The following GPD2 variants were observed in gnomAD, a reference collection of about 807,000 sequenced individuals.
GPD2 encodes glycerol-3-phosphate dehydrogenase, mitochondrial.
In GPD2, 54 loss-of-function variants were observed where a neutral mutation model predicts 82.4. That is an observed-to-expected ratio of 0.66 (90% CI 0.53 to 0.82). The LOEUF (loss-of-function observed/expected upper bound fraction) is 0.82. Ranked by LOEUF, GPD2 falls within the 40% of genes least tolerant of loss-of-function variation. GPD2 has a pLI of 0.00. For missense variants in GPD2, 748 were observed against 896.2 expected (o/e 0.83, Z 2.11); for synonymous variants, 288 against 306.1 (o/e 0.94, Z 0.62).
intron 8 of GPD2, among the ~76,000 whole-genome samples, chr2:156,554,731 T>C (rs147737963): frequency 3.2e-4 from 49 of 152,336 alleles, no homozygotes; most frequent in African/African-American, 1.2e-3. Context: ...CTGAAATACA[T>C]GAAAATAATC....
At chr2:156,528,044 T>C (rs1039798957) in intron 6 of GPD2, among the ~76,000 whole-genome samples, 1 of 152,120 alleles carries the variant, frequency 6.6e-6, no homozygotes, top group African/African-American at 2.4e-5. Flanking sequence ...ACATTATCAT[T>C]AAAAAACTAA....
intron 1 of GPD2, among the ~76,000 whole-genome samples, chr2:156,458,606 G>A (rs1682866498): frequency 1.3e-5 from 2 of 152,160 alleles, no homozygotes; most frequent in South Asian, 4.1e-4. Flanking sequence ...AAATTGTAAA[G>A]GCAAAGTATT....
chr2:156,439,708 A>G (rs1442686410), intron 1 of GPD2, among the ~76,000 whole-genome samples: 5 of 151,468 alleles, frequency 3.3e-5, no homozygotes, highest in South Asian at 2.1e-4. Flanking sequence ...TTAGCCGGGC[A>G]TGATCGTGGG....
At chr2:156,448,364 C>A (rs976531677) in intron 1 of GPD2, among the ~76,000 whole-genome samples, 5 of 152,184 alleles carry the variant, frequency 3.3e-5, no homozygotes, top group Non-Finnish European at 5.9e-5. Flanking sequence ...ACCTTGGCCT[C>A]CCAAAGTGCT....
At chr2:156,553,467 A>G (rs191943990) in intron 8 of GPD2, among the ~76,000 whole-genome samples, 1 of 152,206 alleles carries the variant, frequency 6.6e-6, no homozygotes, top group Admixed American at 6.5e-5. Context: ...TGATTCTTCA[A>G]CTTACTGCCC....
At chr2:156,408,087 C>A in the GPD2 span, among the ~76,000 whole-genome samples, 1 of 151,106 alleles carries the variant, frequency 6.6e-6, no homozygotes, top group Non-Finnish European at 1.5e-5. Context: ...TCCCGAGGAG[C>A]TGAGACTACA....
intron 1 of GPD2, among the ~76,000 whole-genome samples, chr2:156,461,721 C>T (rs1682995593): frequency 6.6e-6 from 1 of 152,214 alleles, no homozygotes; most frequent in Admixed American, 6.5e-5. Flanking sequence ...TCTTTATTTT[C>T]TCCTAGTAAT....
intron 6 of GPD2, among the ~76,000 whole-genome samples, chr2:156,543,823 C>A (rs1156730745): frequency 1.3e-5 from 2 of 152,168 alleles, no homozygotes; most frequent in African/African-American, 2.4e-5. Context: ...CTGTTGGAAT[C>A]ATTATTTATT....
At chr2:156,501,232 A>G (rs1440064107) in intron 3 of GPD2, among the ~76,000 whole-genome samples, 1 of 152,016 alleles carries the variant, frequency 6.6e-6, no homozygotes, top group Non-Finnish European at 1.5e-5. Flanking sequence ...TCCAGAGAAG[A>G]CTGCCTCTTT....
At chr2:156,475,402 C>T (rs1428387693) in intron 1 of GPD2, among the ~76,000 whole-genome samples, 1 of 152,034 alleles carries the variant, frequency 6.6e-6, no homozygotes, top group Admixed American at 6.5e-5. Context: ...GATCTCGGCT[C>T]ACTGCAACCT....
chr2:156,513,282 A>G, intron 5 of GPD2, 51 bp from the exon 6 acceptor site: 3 of 1,265,396 alleles, frequency 2.4e-6, no homozygotes, highest in Non-Finnish European at 3.5e-6. Flanking sequence ...GTAATATTCT[A>G]TAATGCTATA....
At chr2:156,496,015 C>T in intron 2 of GPD2, 29 bp from the exon 3 acceptor site, 3 of 1,576,282 alleles carry the variant, frequency 1.9e-6, no homozygotes, top group Non-Finnish European at 2.6e-6. Flanking sequence ...TCCAAATGGA[C>T]AACTGAAAGT....
At chr2:156,434,018 T>C (rs1207774213), upstream of GPD2, among the ~76,000 whole-genome samples, 1 of 152,114 alleles carries the variant, frequency 6.6e-6, no homozygotes, top group Non-Finnish European at 1.5e-5. Context: ...ATGATAAAAA[T>C]ATTGGTTTGA....
intron 11 of GPD2, among the ~76,000 whole-genome samples, chr2:156,569,872 T>C (rs1378038270): frequency 6.6e-6 from 1 of 152,112 alleles, no homozygotes; most frequent in African/African-American, 2.4e-5. Context: ...TCATCAGTCA[T>C]TGATGCAGTG....
chr2:156,570,041 C>T (rs1212790292), intron 11 of GPD2, 46 bp from the exon 12 acceptor site: 1 of 1,571,814 alleles, frequency 6.4e-7, no homozygotes, highest in African/African-American at 1.4e-5. Context: ...TGCCTAGAAG[C>T]TATTGATATT....
chr2:156,474,656 T>A (rs1683443158), intron 1 of GPD2, among the ~76,000 whole-genome samples: 1 of 152,210 alleles, frequency 6.6e-6, no homozygotes, highest in African/African-American at 2.4e-5. Flanking sequence ...AAAAGGATTT[T>A]TGATGGAATT....
Position 156,459,686 on chromosome 2 carries a change from C to CAA in GPD2, c.-8-16390_-8-16389dup, listed in dbSNP as rs564494059. ...CTGGCGACAGAGCAAGACTCCGTCT[C>CAA]AAAAAAAAAAAAAAAAAAAAAAAGA... is the stretch of plus-strand genomic sequence containing the variant. On this transcript the variant is annotated intron_variant, in intron 1 of 16. Coordinates refer to ENST00000438166, the MANE Select transcript of GPD2 (RefSeq NM_000408.5). Among the ~76,000 whole-genome samples, 35 of 38,766 alleles carry CAA rather than the reference C, an allele frequency of 9.0e-4. 4 individuals carry two copies. Among genetic ancestry groups the CAA allele is most frequent in the East Asian group, 4.4e-3 (3 of 684 alleles). The allele number at this position is 38,766 out of a possible 152,430, so 25.4% of individuals were successfully genotyped here. A position where few individuals can be genotyped will look rare whatever the true frequency, so the allele number is the denominator to read the frequency against.
At chr2:156,495,838 G>A in intron 2 of GPD2, 2 of 561,238 alleles carry the variant, frequency 3.6e-6, no homozygotes, top group South Asian at 2.1e-5. Flanking sequence ...TGGCTAAATA[G>A]TTGTGATTCA....
At chr2:156,575,783 C>T (rs530672606) in intron 13 of GPD2, among the ~76,000 whole-genome samples, 22 of 152,192 alleles carry the variant, frequency 1.4e-4, no homozygotes, top group Non-Finnish European at 2.6e-4. Flanking sequence ...TAGAAAGTCC[C>T]GTATGATATC....
Sources: allele counts gnomAD v4.1 joint callset (sites outside exome capture counted in the v4.1 genomes callset), GRCh38; gene constraint gnomAD v4.1.1; transcripts MANE v1.5; gene names NCBI Gene and HGNC (gene_info 2026-07-23, HGNC 2026-07-21).